The following ARHGEF38 variants were observed in gnomAD, a reference collection of about 807,000 sequenced individuals.
The protein encoded by ARHGEF38 is Rho guanine nucleotide exchange factor 38, also known as Rho guanine nucleotide exchange factor (GEF) 38.
Under a neutral mutation model 79.9 loss-of-function variants are expected in ARHGEF38, and 79 were observed. That is an observed-to-expected ratio of 0.99 (90% CI 0.82 to 1.19). The LOEUF (loss-of-function observed/expected upper bound fraction) is 1.19, where lower values mean the gene tolerates loss of function less well. Among genes scored for constraint, ARHGEF38 ranks in the 50% most tolerant of loss-of-function variants. The pLI is 0.00. For synonymous variants in ARHGEF38, 366 were observed against 328.3 expected (o/e 1.11, Z -1.24); for missense variants, 962 against 907.2 (o/e 1.06, Z -0.78).
intron 2 of ARHGEF38, among the ~76,000 whole-genome samples, chr4:105,611,698 A>T (rs1463625827): frequency 6.6e-6 from 1 of 152,070 alleles, no homozygotes; most frequent in Non-Finnish European, 1.5e-5. Context: ...CACATGTGCC[A>T]TCTCCTATTA....
At chr4:105,591,164 C>T (rs1727313691) in intron 2 of ARHGEF38, among the ~76,000 whole-genome samples, 1 of 152,122 alleles carries the variant, frequency 6.6e-6, no homozygotes. Flanking sequence ...TGTCATGCCC[C>T]CAACTATTTA....
chr4:105,576,268 C>G (rs926397372), intron 1 of ARHGEF38, among the ~76,000 whole-genome samples: 2 of 152,136 alleles, frequency 1.3e-5, no homozygotes, highest in Admixed American at 1.3e-4. Context: ...ATTGATTATT[C>G]CAATCCATTA....
intron 10 of ARHGEF38, among the ~76,000 whole-genome samples, chr4:105,664,776 A>G (rs763168343): frequency 4.6e-5 from 7 of 152,172 alleles, no homozygotes; most frequent in Non-Finnish European, 7.4e-5. Flanking sequence ...TCAAAGAAAT[A>G]TGGGGAGGGA....
chr4:105,606,373 G>A (rs1728041516), intron 2 of ARHGEF38, among the ~76,000 whole-genome samples: 1 of 151,870 alleles, frequency 6.6e-6, no homozygotes, highest in Non-Finnish European at 1.5e-5. Flanking sequence ...TATATGTCAT[G>A]CACATATATA....
intron 1 of ARHGEF38, among the ~76,000 whole-genome samples, chr4:105,555,890 T>G (rs548301369): frequency 7.2e-5 from 11 of 152,280 alleles, no homozygotes; most frequent in African/African-American, 2.6e-4. Context: ...ATCACTTTAG[T>G]AGCATGAAAC....
intron 4 of ARHGEF38, among the ~76,000 whole-genome samples, chr4:105,635,512 T>C (rs1313808577): frequency 6.6e-6 from 1 of 152,156 alleles, no homozygotes; most frequent in Non-Finnish European, 1.5e-5. Flanking sequence ...CTTCAATGTA[T>C]GTGTTTTGAT....
intron 6 of ARHGEF38, among the ~76,000 whole-genome samples, chr4:105,647,399 T>G (rs1330014485): frequency 6.6e-6 from 1 of 152,160 alleles, no homozygotes; most frequent in Non-Finnish European, 1.5e-5. Flanking sequence ...TTTCAATTAA[T>G]ATTGCCTTCT....
chr4:105,561,484 A>AATG (rs1725598720), intron 1 of ARHGEF38: 3 of 59,920 alleles, frequency 5.0e-5, no homozygotes, highest in Non-Finnish European at 7.9e-5. Flanking sequence ...AGAATAGAAT[A>AATG]GAATAGAATA....
Position 105,659,077 on chromosome 4 carries a change from C to A in ARHGEF38, c.1257C>A (p.Ile419=), listed in dbSNP as rs1038275071. The change falls in exon 10 of 14, where the codon ATC becomes ATA. Residue 419 remains isoleucine, a synonymous_variant. Coordinates refer to ENST00000420470, the MANE Select transcript of ARHGEF38 (RefSeq NM_001242729.2). ...AGGCATCTCACTTACAGAGACTCAT[C>A]CTGACCCCCTTGTCAGCCCTGCTGT... The part of the protein sequence containing the change: ...HDFASHLQRL[I]LTPLSALLSL... 1 of 1,535,750 alleles carries A rather than the reference C, an allele frequency of 6.5e-7. No homozygotes were observed. Among genetic ancestry groups the A allele is most frequent in the East Asian group, 2.4e-5 (1 of 40,912 alleles).
chr4:105,637,831 G>T (rs1391364916), intron 5 of ARHGEF38, among the ~76,000 whole-genome samples: 1 of 152,094 alleles, frequency 6.6e-6, no homozygotes, highest in Non-Finnish European at 1.5e-5. Context: ...ACAGTTCATT[G>T]TATTGAAACA....
At chr4:105,556,553 C>CACTGTATT (rs1305319068) in intron 1 of ARHGEF38, among the ~76,000 whole-genome samples, 1 of 152,086 alleles carries the variant, frequency 6.6e-6, no homozygotes, top group African/African-American at 2.4e-5. Context: ...TTAACCTCTT[C>CACTGTATT]ACTGTATTTA....
intron 1 of ARHGEF38, among the ~76,000 whole-genome samples, chr4:105,556,800 G>T (rs1332586728): frequency 1.3e-5 from 2 of 152,122 alleles, no homozygotes; most frequent in Non-Finnish European, 2.9e-5. Context: ...ACCATGGCCT[G>T]AAATAAGAGC....
At chr4:105,585,566 C>G (rs574269929) in intron 1 of ARHGEF38, among the ~76,000 whole-genome samples, 1 of 152,246 alleles carries the variant, frequency 6.6e-6, no homozygotes. Context: ...CATGGTACTG[C>G]TTTAATATAC....
At chr4:105,616,110 G>T (rs1421198175) in intron 3 of ARHGEF38, among the ~76,000 whole-genome samples, 2 of 152,018 alleles carry the variant, frequency 1.3e-5, no homozygotes, top group Non-Finnish European at 2.9e-5. Flanking sequence ...TGGAAAATAG[G>T]GCCTGAGAAA....
intron 7 of ARHGEF38, among the ~76,000 whole-genome samples, chr4:105,652,691 A>G (rs1730154496): frequency 6.6e-6 from 1 of 150,652 alleles, no homozygotes; most frequent in Non-Finnish European, 1.5e-5. Flanking sequence ...ACAAAATAAA[A>G]TATCTGGTGA....
chr4:105,674,065 A>C (rs772702317), intron 13 of ARHGEF38, among the ~76,000 whole-genome samples: 1 of 152,162 alleles, frequency 6.6e-6, no homozygotes, highest in Non-Finnish European at 1.5e-5. Flanking sequence ...AATGATATTC[A>C]GTGAAGTCAG....
rs183430242 is a variant in ARHGEF38 at position 105,679,989 on chromosome 4, T to C, written c.*2052T>C. 2 of 1,252,868 alleles carry C rather than the reference T, an allele frequency of 1.6e-6. No individual in the cohort carries two copies. Among genetic ancestry groups the C allele is most frequent in the African/African-American group, 1.5e-5 (1 of 67,894 alleles). 77.6% of individuals were successfully genotyped at this position (1,252,868 alleles called of 1,614,324 possible). ...GTGCAATGTCCCCATGTAAACACAG[T>C]GCATTCTGTTTTGTGCGGATTCATG... On this transcript the variant is annotated 3_prime_UTR_variant, in exon 14 of 14. Coordinates refer to ENST00000420470, the MANE Select transcript of ARHGEF38 (RefSeq NM_001242729.2).
chr4:105,563,345 G>T (rs1469219571), intron 1 of ARHGEF38: 2 of 152,146 alleles, frequency 1.3e-5, no homozygotes, highest in Admixed American at 6.5e-5. Context: ...GGATTATGCT[G>T]GTCCTCATAC....
At chr4:105,619,583 A>T (rs1728656808) in intron 3 of ARHGEF38, among the ~76,000 whole-genome samples, 1 of 152,140 alleles carries the variant, frequency 6.6e-6, no homozygotes, top group Admixed American at 6.5e-5. Context: ...ATGGTGAGGG[A>T]AAACTTGATT....
Sources: allele counts gnomAD v4.1 joint callset (sites outside exome capture counted in the v4.1 genomes callset), GRCh38; gene constraint gnomAD v4.1.1; transcripts MANE v1.5; gene names NCBI Gene and HGNC (gene_info 2026-07-23, HGNC 2026-07-21).